Variants in SLCO6A1 observed in about 807,000 individuals in gnomAD.
SLCO6A1 encodes the protein solute carrier organic anion transporter family member 6A1, also known as cancer/testis antigen 48.
SLCO6A1 carries 65 observed loss-of-function variants against 72.7 expected under a neutral mutation model. The observed-to-expected ratio is 0.89, with a 90% CI of 0.73 to 1.10. The LOEUF is 1.10. SLCO6A1 is among the 50% of genes least tolerant of loss of function. SLCO6A1 has a pLI of 0.00. For synonymous variants in SLCO6A1, 314 were observed against 298.2 expected, an observed-to-expected ratio of 1.05 and a Z score of -0.55; for missense variants, 874 against 872.6, an observed-to-expected ratio of 1.00 and a Z score of -0.02.
chr5:102,424,566 A>G (rs1748786650), intron 7 of SLCO6A1, among the ~76,000 whole-genome samples: 1 of 152,192 alleles, frequency 6.6e-6, no homozygotes, highest in African/African-American at 2.4e-5. Flanking sequence ...CCAAGACTAA[A>G]CCAGGAAGAA....
chr5:102,417,012 T>C (rs1262408815), intron 8 of SLCO6A1, among the ~76,000 whole-genome samples: 1 of 152,178 alleles, frequency 6.6e-6, no homozygotes, highest in Admixed American at 6.5e-5. Context: ...CCTTGCAGTG[T>C]ACACATTTTT....
At chr5:102,427,856 ATATATATATT>A (rs1748987908) in intron 7 of SLCO6A1, among the ~76,000 whole-genome samples, 102 of 124,760 alleles carry the variant, frequency 8.2e-4, no homozygotes, top group African/African-American at 3.5e-3. Context: ...ATATATATAT[ATATATATATT>A]TTTTTTTTTT....
chr5:102,396,218 A>G (rs1478889757), intron 10 of SLCO6A1, among the ~76,000 whole-genome samples: 4 of 152,036 alleles, frequency 2.6e-5, no homozygotes, highest in Non-Finnish European at 5.9e-5. Context: ...TAATTTTTGT[A>G]TAAGGTGTAA....
intron 4 of SLCO6A1, among the ~76,000 whole-genome samples, chr5:102,461,288 T>G (rs1184439746): frequency 6.6e-6 from 1 of 152,016 alleles, no homozygotes; most frequent in Admixed American, 6.6e-5. Context: ...ATTATAAATC[T>G]TTATTGAAGG....
At chr5:102,417,870 C>A (rs1748373839) in intron 8 of SLCO6A1, among the ~76,000 whole-genome samples, 1 of 152,054 alleles carries the variant, frequency 6.6e-6, no homozygotes, top group African/African-American at 2.4e-5. Flanking sequence ...AGGTTACATG[C>A]CTGTAATCCC....
chr5:102,459,904 C>CT, intron 4 of SLCO6A1, 127 bp from the exon 5 acceptor site: 2 of 717,360 alleles, frequency 2.8e-6, no homozygotes, highest in Non-Finnish European at 4.2e-6. Context: ...AGAAATGGAA[C>CT]TTTTTTTGTT....
chr5:102,489,948 A>G (rs1752600862), intron 1 of SLCO6A1, among the ~76,000 whole-genome samples: 1 of 152,216 alleles, frequency 6.6e-6, no homozygotes, highest in Non-Finnish European at 1.5e-5. Flanking sequence ...TTACTACAGC[A>G]TGGATAAAGA....
intron 4 of SLCO6A1, among the ~76,000 whole-genome samples, chr5:102,468,624 T>C (rs1751430264): frequency 6.6e-6 from 1 of 152,140 alleles, no homozygotes; most frequent in Non-Finnish European, 1.5e-5. Context: ...CTTTAAAGTC[T>C]GTTTTGTCTG....
At position 102,392,629 on chromosome 5, in the gene SLCO6A1, C is replaced by A. The variant is rs1329608339; in HGVS notation, c.1815-1584G>T. On this transcript the variant is annotated intron_variant, in intron 10 of 13. Transcript: ENST00000506729. ...TTTCCAAAATTATTTCAGTGAATAGCACAAAAATAGCTAAGAAATACGAAT... is the reference window on the plus strand; with the variant it reads ...TTTCCAAAATTATTTCAGTGAATAGAACAAAAATAGCTAAGAAATACGAAT... Among the ~76,000 whole-genome samples, 3 of 151,654 alleles carry A rather than the reference C, an allele frequency of 2.0e-5. No homozygotes were observed. The East Asian group carries it at 5.8e-4, about 29-fold the overall frequency.
At chr5:102,479,896 C>T (rs1752100475) in intron 2 of SLCO6A1, among the ~76,000 whole-genome samples, 2 of 152,114 alleles carry the variant, frequency 1.3e-5, no homozygotes, top group Non-Finnish European at 2.9e-5. Context: ...TGTTTGTTTC[C>T]CTTCTCCTAG....
At chr5:102,422,880 G>T (rs748190401) in intron 7 of SLCO6A1, among the ~76,000 whole-genome samples, 15 of 152,024 alleles carry the variant, frequency 9.9e-5, no homozygotes, top group Non-Finnish European at 1.8e-4. Context: ...AGAGAGAAAG[G>T]TCAGGTTACC....
At chr5:102,416,035 T>C (rs902838019) in intron 8 of SLCO6A1, among the ~76,000 whole-genome samples, 3 of 152,150 alleles carry the variant, frequency 2.0e-5, no homozygotes, top group Non-Finnish European at 2.9e-5. Flanking sequence ...AGAATGGCTA[T>C]TTTTAAAAAG....
At chr5:102,471,847 G>A (rs1751643977) in intron 4 of SLCO6A1, among the ~76,000 whole-genome samples, 2 of 151,940 alleles carry the variant, frequency 1.3e-5, no homozygotes, top group African/African-American at 4.8e-5. Context: ...AAAATAACAA[G>A]GCACAGTATA....
chr5:102,483,840 C>T (rs1752322382), intron 1 of SLCO6A1, among the ~76,000 whole-genome samples: 1 of 152,162 alleles, frequency 6.6e-6, no homozygotes, highest in Non-Finnish European at 1.5e-5. Context: ...TCCTAATTCT[C>T]AAGGTTTCTT....
chr5:102,450,467 G>A (rs940854648), intron 6 of SLCO6A1, among the ~76,000 whole-genome samples: 1 of 152,188 alleles, frequency 6.6e-6, no homozygotes, highest in Non-Finnish European at 1.5e-5. Context: ...GCCAGTAGGT[G>A]GGCTCTTGCT....
chr5:102,496,189 T>C (rs919610079), intron 1 of SLCO6A1, among the ~76,000 whole-genome samples: 1 of 152,168 alleles, frequency 6.6e-6, no homozygotes, highest in African/African-American at 2.4e-5. Flanking sequence ...TCTGAAAAAC[T>C]GGGCATGTAT....
chr5:102,471,405 G>A (rs1418924986), intron 4 of SLCO6A1, among the ~76,000 whole-genome samples: 2 of 152,006 alleles, frequency 1.3e-5, no homozygotes, highest in Non-Finnish European at 2.9e-5. Context: ...ACTGCTAGAC[G>A]GGTTTCCTGT....
chr5:102,399,799 T>A (rs1747302056), intron 9 of SLCO6A1, 57 bp from the exon 10 acceptor site: 1 of 1,258,468 alleles, frequency 7.9e-7, no homozygotes, highest in Non-Finnish European at 1.1e-6. Context: ...AAACAAAAGT[T>A]CTTATCATAA....
chr5:102,448,100 C>T (rs1212490369), intron 6 of SLCO6A1, among the ~76,000 whole-genome samples: 1 of 152,112 alleles, frequency 6.6e-6, no homozygotes, highest in Non-Finnish European at 1.5e-5. Context: ...CAAAGAATTT[C>T]TTGATTTCTG....
Sources: gnomAD v4.1 joint callset for allele counts (sites outside exome capture counted in the v4.1 genomes callset) on GRCh38, gnomAD v4.1.1 for gene constraint, MANE v1.5 for transcripts, NCBI Gene and HGNC (gene_info 2026-07-23, HGNC 2026-07-21) for gene names.